ATF7IP: variants seen among roughly 807,000 people sequenced by gnomAD.
ATF7IP encodes the protein activating transcription factor 7 interacting protein, also known as activating transcription factor 7-interacting protein 1.
A neutral mutation model predicts 106.4 loss-of-function variants in ATF7IP; 23 were observed. That is an observed-to-expected ratio of 0.22 (90% CI 0.16 to 0.31). ATF7IP has a LOEUF of 0.31. Among genes scored for constraint, ATF7IP ranks in the 10% least tolerant of loss-of-function variants. The pLI, the probability that ATF7IP is intolerant of heterozygous loss-of-function variation, is 1.00. For missense variants in ATF7IP, 1,334 were observed against 1,524.3 expected (o/e 0.88, Z 2.08); for synonymous variants, 542 against 539.0 (o/e 1.01, Z -0.08).
At chr12:14,395,279 G>A (rs1037619485) in intron 1 of ATF7IP, 3 of 151,072 alleles carry the variant, frequency 2.0e-5, no homozygotes, top group Non-Finnish European at 4.4e-5. Flanking sequence ...CTTTTTCTGT[G>A]ACACCTACCC....
rs1473942866 is a variant in ATF7IP at position 14,466,530 on chromosome 12, C to G, written c.2802C>G (p.Asn934Lys). 2 of 1,596,158 alleles carry G rather than the reference C, an allele frequency of 1.3e-6. No homozygotes were observed. The highest frequency in any genetic ancestry group is 4.6e-5 in the East Asian group (2 of 43,730). The change falls in exon 10 of 15, where the codon AAC (asparagine) becomes AAG (lysine). Residue 934 changes from asparagine (N) to lysine (K), a missense_variant. By Grantham distance (94) the Asn-to-Lys change is moderately conservative (BLOSUM62 0). This residue lies in a region of ATF7IP where 370 missense variants were observed against 401.2 expected (regional missense o/e 0.92). Coordinates refer to ENST00000261168, the MANE Select transcript of ATF7IP (RefSeq NM_018179.5). Reference sequence around the variant, plus strand: ...ATGGCTTTTTTTACTTTTCAGAAAACCAGACAAACAAAACAATAGATGCTT... The same window carrying G: ...ATGGCTTTTTTTACTTTTCAGAAAAGCAGACAAACAAAACAATAGATGCTT... ...QNSNTTPRIE[N>K]QTNKTIDASV...
chr12:14,494,497 A>G (rs1156396279), intron 13 of ATF7IP, among the ~76,000 whole-genome samples: 2 of 146,852 alleles, frequency 1.4e-5, no homozygotes, highest in Non-Finnish European at 3.0e-5. Flanking sequence ...AACTAATTGT[A>G]TATATACTTT....
intron 13 of ATF7IP, among the ~76,000 whole-genome samples, chr12:14,493,718 C>T (rs1185148928): frequency 1.3e-5 from 2 of 152,122 alleles, no homozygotes; most frequent in African/African-American, 4.8e-5. Context: ...TAACAGTAGA[C>T]ACCTGGCAAG....
chr12:14,442,284 C>G (rs1942749118), intron 5 of ATF7IP, among the ~76,000 whole-genome samples: 1 of 152,088 alleles, frequency 6.6e-6, no homozygotes, highest in Non-Finnish European at 1.5e-5. Context: ...CATACAAAAT[C>G]AAATATCATT....
intron 1 of ATF7IP, among the ~76,000 whole-genome samples, chr12:14,421,014 G>A (rs1941480723): frequency 6.6e-6 from 1 of 152,178 alleles, no homozygotes; most frequent in Non-Finnish European, 1.5e-5. Context: ...TGATGACATT[G>A]TTTTTCTTCA....
chr12:14,479,536 A>G (rs1324274356), intron 12 of ATF7IP, among the ~76,000 whole-genome samples: 1 of 152,214 alleles, frequency 6.6e-6, no homozygotes, highest in African/African-American at 2.4e-5. Context: ...TGAAATTTAT[A>G]CTTAAAACAC....
chr12:14,481,689 G>A (rs1591955652), intron 13 of ATF7IP: 1 of 422,654 alleles, frequency 2.4e-6, no homozygotes, highest in Non-Finnish European at 4.7e-6. Context: ...TTTATTTATG[G>A]CCTGTATTAG....
intron 12 of ATF7IP, 96 bp downstream of exon 12, chr12:14,478,568 T>C (rs1041673887): frequency 7.2e-7 from 1 of 1,398,064 alleles, no homozygotes; most frequent in African/African-American, 1.4e-5. Context: ...AAAATTAATA[T>C]TCATCTTGTT....
chr12:14,443,911 A>G (rs1942831598), intron 5 of ATF7IP, among the ~76,000 whole-genome samples: 1 of 152,212 alleles, frequency 6.6e-6, no homozygotes, highest in Non-Finnish European at 1.5e-5. Context: ...GATTTCACAT[A>G]TGGTAGTTAT....
At chr12:14,413,101 A>G (rs1412606321) in intron 1 of ATF7IP, among the ~76,000 whole-genome samples, 7 of 152,216 alleles carry the variant, frequency 4.6e-5, no homozygotes, top group African/African-American at 1.4e-4. Context: ...GCTGACTAGA[A>G]ATGGTGAGGG....
At chr12:14,456,483 T>C in intron 6 of ATF7IP, 78 bp from the exon 7 acceptor site, 4 of 920,532 alleles carry the variant, frequency 4.3e-6, no homozygotes, top group Non-Finnish European at 5.3e-6. Flanking sequence ...TTGACAGGCA[T>C]CTACAGGTCT....
intron 10 of ATF7IP, among the ~76,000 whole-genome samples, chr12:14,475,177 A>C (rs972311728): frequency 7.2e-5 from 11 of 152,190 alleles, no homozygotes; most frequent in African/African-American, 2.2e-4. Context: ...TTATATACAC[A>C]TTTGGATTAA....
In ATF7IP at chr12:14,434,369, C is replaced by G. The variant is rs372036691; in HGVS notation, c.1591C>G (p.Pro531Ala). The change falls in exon 3 of 15, where the codon CCT becomes GCT. Residue 531 changes from proline (P) to alanine (A), a missense_variant. Transcript: ENST00000261168. ...EVESNEKDNK[P>A]EEEEQVIHED... ...AGAAAGTAATGAAAAGGACAACAAA[C>G]CTGAGGAAGAAGAGCAAGTAATACA... 1.9e-6 allele frequency: 3 copies of G among 1,591,086 alleles called. No individual in the cohort carries two copies. The highest frequency in any genetic ancestry group is 2.6e-6 in the Non-Finnish European group (3 of 1,162,386).
intron 10 of ATF7IP, among the ~76,000 whole-genome samples, chr12:14,473,822 A>G (rs1944151947): frequency 6.6e-6 from 1 of 151,138 alleles, no homozygotes; most frequent in Non-Finnish European, 1.5e-5. Flanking sequence ...TTTTTTTTAA[A>G]TTATCGGCAC....
chr12:14,461,140 C>T lies in ATF7IP; in HGVS notation c.2797+7C>T. The T allele has an allele frequency of 1.2e-6, 2 of 1,607,636 alleles. No individual in the cohort carries two copies. The highest frequency in any genetic ancestry group is 1.7e-6 in the Non-Finnish European group (2 of 1,175,838). ...AATACCACCCCAAGAATTGGTAAGTCACCATGTAGGTTTAATACTAGAAAT... is the reference window on the plus strand; with the variant it reads ...AATACCACCCCAAGAATTGGTAAGTTACCATGTAGGTTTAATACTAGAAAT... On this transcript the variant is annotated splice_region_variant and intron_variant, in intron 9 of 14. Transcript: ENST00000261168.
chr12:14,395,857 A>G (rs1939808423), intron 1 of ATF7IP, among the ~76,000 whole-genome samples: 1 of 152,102 alleles, frequency 6.6e-6, no homozygotes. Context: ...AAAAGTCTAA[A>G]ATGAATGTAT....
Position 14,424,799 on chromosome 12 carries a change from C to T in ATF7IP, c.884C>T (p.Pro295Leu). Residue 295 changes from proline to leucine, a missense_variant, in exon 2 of 15, where the codon CCA becomes CTA. Coordinates refer to ENST00000261168, the MANE Select transcript of ATF7IP (RefSeq NM_018179.5). ...CGTACCTTTGAACCAAAGTCTGTAC[C>T]AGTTTGTGAACCAGTTCCTGAAATT... ...FDRTFEPKSV[P>L]VCEPVPEIDN... is the part of the protein sequence containing the mutation. 1 of 1,613,874 alleles carries T rather than the reference C, an allele frequency of 6.2e-7. No homozygotes were observed. The highest frequency in any genetic ancestry group is 1.3e-5 in the African/African-American group (1 of 74,932).
chr12:14,399,541 A>G (rs1008186035), intron 1 of ATF7IP, among the ~76,000 whole-genome samples: 1 of 151,802 alleles, frequency 6.6e-6, no homozygotes, highest in Non-Finnish European at 1.5e-5. Flanking sequence ...ATAGACCTTT[A>G]TTATTGGAAA....
At chr12:14,438,359 C>G in intron 5 of ATF7IP, 92 bp downstream of exon 5, 2 of 1,153,010 alleles carry the variant, frequency 1.7e-6, no homozygotes, top group Non-Finnish European at 2.4e-6. Context: ...CTATAAAATA[C>G]ATTTAAATTC....
Sources: gnomAD v4.1 joint callset for allele counts (sites outside exome capture counted in the v4.1 genomes callset) on GRCh38, gnomAD v4.1.1 for gene constraint, gnomAD v4.1.1 regional missense constraint, MANE v1.5 for transcripts, NCBI Gene and HGNC (gene_info 2026-07-23, HGNC 2026-07-21) for gene names.